SASS6: variants seen among roughly 807,000 people sequenced by gnomAD.
SASS6 encodes spindle assembly abnormal protein 6 homolog.
SASS6 carries 59 observed loss-of-function variants against 94.9 expected under a neutral mutation model. The ratio of observed to expected loss-of-function variants is 0.62; its 90% CI spans 0.50 to 0.77. SASS6 has a LOEUF of 0.77. SASS6 is among the 30% of genes least tolerant of loss of function. The pLI is 0.00. For synonymous variants in SASS6, 264 were observed against 270.0 expected, an observed-to-expected ratio of 0.98 and a Z score of 0.22; for missense variants, 698 against 734.1, an observed-to-expected ratio of 0.95 and a Z score of 0.57.
chr1:100,125,249 G>A, intron 2 of SASS6, among the ~76,000 whole-genome samples: 1 of 151,446 alleles, frequency 6.6e-6, no homozygotes, highest in Admixed American at 6.6e-5. Context: ...GTGTGTGTGT[G>A]TGTGTATGAC....
intron 3 of SASS6, 50 bp downstream of exon 3, chr1:100,123,160 T>C (rs1654333184): frequency 1.3e-6 from 1 of 782,340 alleles, no homozygotes; most frequent in Non-Finnish European, 2.2e-6. Flanking sequence ...CAATAAAACT[T>C]AGAAACTTAT....
intron 7 of SASS6, among the ~76,000 whole-genome samples, chr1:100,114,882 G>A (rs1303475001): frequency 6.6e-6 from 1 of 152,042 alleles, no homozygotes; most frequent in East Asian, 1.9e-4. Flanking sequence ...TATTAAAGGG[G>A]AAAAATGACG....
At chr1:100,110,240 A>T (rs1653217254) in intron 8 of SASS6, 52 bp downstream of exon 8, 1 of 1,163,514 alleles carries the variant, frequency 8.6e-7, no homozygotes, top group Non-Finnish European at 1.2e-6. Flanking sequence ...TAAAATAACC[A>T]AATCAAAACG....
At chr1:100,125,584 CAGG>C (rs1201042743) in intron 2 of SASS6, among the ~76,000 whole-genome samples, 1 of 144,542 alleles carries the variant, frequency 6.9e-6, no homozygotes, top group African/African-American at 2.6e-5. Flanking sequence ...GAGGCTGAGG[CAGG>C]AGAATTGTTT....
intron 8 of SASS6, 81 bp downstream of exon 8, chr1:100,110,211 C>A (rs757184605): frequency 4.4e-4 from 330 of 758,304 alleles, no homozygotes; most frequent in Non-Finnish European, 5.9e-4. Context: ...AGGAACACCA[C>A]CCACACAAGT....
intron 12 of SASS6, among the ~76,000 whole-genome samples, chr1:100,106,622 C>T (rs1007526792): frequency 4.6e-5 from 7 of 152,072 alleles, no homozygotes; most frequent in Admixed American, 6.6e-5. Context: ...GAGGCCAAGG[C>T]GGGTGGATCA....
chr1:100,132,815 GT>G lies in SASS6; in HGVS notation c.-2del. On this transcript the variant is annotated 5_prime_UTR_variant, in exon 1 of 17. Transcript: ENST00000287482. ...GTTGGTGGAACAGCACTTGGCTCAT[GT>G]TGGCTCGCTGCCTCGGCTGGTGTGC... The G allele has an allele frequency of 1.2e-6, 2 of 1,613,938 alleles. No homozygotes were observed. Among genetic ancestry groups the G allele is most frequent in the Non-Finnish European group, 1.7e-6 (2 of 1,179,794 alleles).
chr1:100,132,785 G>C lies in SASS6; in HGVS notation c.30C>G (p.Val10=), dbSNP rs768466956. MSQVLFHQL[V]PLQVKCKDCE... is the part of the protein sequence containing the mutation. The stretch of plus-strand genomic sequence containing the variant: ...AGTCTTTGCATTTCACCTGCAACGG[G>C]ACTAGTTGGTGGAACAGCACTTGGC... The change falls in exon 1 of 17, where the codon GTC becomes GTG. Residue 10 remains valine, a synonymous_variant. Transcript: ENST00000287482. 1.9e-6 allele frequency: 3 copies of C among 1,614,132 alleles called. No homozygotes were observed. Among genetic ancestry groups the C allele is most frequent in the Non-Finnish European group, 2.5e-6 (3 of 1,179,962 alleles).
chr1:100,111,538 G>C (rs1023161314), intron 7 of SASS6, among the ~76,000 whole-genome samples: 8 of 151,788 alleles, frequency 5.3e-5, no homozygotes, highest in Non-Finnish European at 8.8e-5. Flanking sequence ...CTAAAATTCA[G>C]ATTATTTCTT....
chr1:100,131,953 A>T (rs892023961), intron 1 of SASS6, among the ~76,000 whole-genome samples: 2 of 152,158 alleles, frequency 1.3e-5, no homozygotes, highest in African/African-American at 4.8e-5. Flanking sequence ...CAGAGAAAAA[A>T]AGAGACAACC....
chr1:100,108,092 A>T (rs978142116), intron 8 of SASS6, 88 bp from the exon 9 acceptor site: 17 of 694,106 alleles, frequency 2.4e-5, no homozygotes, highest in Middle Eastern at 8.4e-4. Context: ...CTAACATATT[A>T]AAAAAAAGTC....
chr1:100,094,757 T>G (rs908538180), intron 14 of SASS6, among the ~76,000 whole-genome samples: 1 of 151,046 alleles, frequency 6.6e-6, no homozygotes, highest in African/African-American at 2.4e-5. Flanking sequence ...TCCCAGCTAC[T>G]CGGGAGGCTG....
Position 100,085,232 on chromosome 1 carries a change from T to A in SASS6, c.*96A>T. On this transcript the variant is annotated 3_prime_UTR_variant, in exon 17 of 17. Transcript: ENST00000287482. ...AGTCTTTAACAGCTCAAGTAAAATT[T>A]GAAACTTGCTATTTGAGGATCTGGT... The A allele has an allele frequency of 1.2e-6, 1 of 805,100 alleles. No individual in the cohort carries two copies. The highest frequency in any genetic ancestry group is 2.2e-6 in the Non-Finnish European group (1 of 462,060). 49.9% of individuals were successfully genotyped at this position (805,100 alleles called of 1,614,324 possible).
intron 14 of SASS6, among the ~76,000 whole-genome samples, chr1:100,095,900 G>C (rs370296047): frequency 3.3e-5 from 5 of 152,270 alleles, no homozygotes; most frequent in African/African-American, 1.2e-4. Context: ...ATTACTGAGA[G>C]AAAGTAAAGC....
At chr1:100,123,847 T>C (rs1654380063) in intron 2 of SASS6, among the ~76,000 whole-genome samples, 1 of 152,218 alleles carries the variant, frequency 6.6e-6, no homozygotes, top group Non-Finnish European at 1.5e-5. Flanking sequence ...GCCCAACTGT[T>C]TTCAGTCTCA....
rs1302929098 is a variant in SASS6, at chr1:100,122,411, A to G, written c.280T>C (p.Cys94Arg). 6.4e-7 allele frequency: 1 copy of G among 1,567,654 alleles called. No homozygotes were observed. The highest frequency in any genetic ancestry group is 8.8e-7 in the Non-Finnish European group (1 of 1,141,138). ...PQKFIDLLQQ[C>R]TQEHAKEIPR... is the part of the protein sequence containing the mutation. ...ATTTCTTTGGCATGTTCTTGAGTAC[A>G]TTGCTGAAGGAGATCTATAAATTTT... Residue 94 changes from cysteine (C) to arginine (R), a missense_variant, in exon 4 of 17, where the codon TGT (cysteine) becomes CGT (arginine). Physicochemically the swap from Cys to Arg is radical, Grantham distance 180 (BLOSUM62 -3). Coordinates refer to ENST00000287482, the MANE Select transcript of SASS6 (RefSeq NM_194292.3).
chr1:100,121,648 A>T (rs1457777802), intron 4 of SASS6, 99 bp from the exon 5 acceptor site: 1 of 693,434 alleles, frequency 1.4e-6, no homozygotes, highest in African/African-American at 1.9e-5. Flanking sequence ...CAGGAAAGGG[A>T]GCACATTGAG....
chr1:100,117,130 C>A (rs1653849458), intron 7 of SASS6, among the ~76,000 whole-genome samples: 1 of 151,382 alleles, frequency 6.6e-6, no homozygotes, highest in Admixed American at 6.6e-5. Flanking sequence ...CCCGTCTTCA[C>A]TAAAAATACA....
At chr1:100,116,267 T>C (rs1303494150) in intron 7 of SASS6, among the ~76,000 whole-genome samples, 1 of 152,182 alleles carries the variant, frequency 6.6e-6, no homozygotes, top group Non-Finnish European at 1.5e-5. Flanking sequence ...GACTCATGTC[T>C]AGAATATACA....
Sources: gnomAD v4.1 joint callset for allele counts (sites outside exome capture counted in the v4.1 genomes callset) on GRCh38, gnomAD v4.1.1 for gene constraint, MANE v1.5 for transcripts, NCBI Gene and HGNC (gene_info 2026-07-23, HGNC 2026-07-21) for gene names.